Variants in DNAH6 observed in about 807,000 individuals in gnomAD.
DNAH6 encodes axonemal beta dynein heavy chain 6.
Under a neutral mutation model 491.4 loss-of-function variants are expected in DNAH6, and 340 were observed. The observed-to-expected ratio is 0.69, with a 90% CI of 0.63 to 0.76. The LOEUF is 0.76. DNAH6 is among the 30% of genes least tolerant of loss of function. The probability of loss-of-function intolerance (pLI) is 0.00; values close to 1 mark genes in which losing one functional copy is unlikely to be tolerated. For synonymous variants in DNAH6, 1,603 were observed against 1,686.1 expected, an observed-to-expected ratio of 0.95 and a Z score of 1.21; for missense variants, 4,443 against 4,972.2, an observed-to-expected ratio of 0.89 and a Z score of 3.20.
rs941603042 is a variant in DNAH6, at chr2:84,778,100, C to T, written c.10704-3393C>T. 4.7e-5 allele frequency: 38 copies of T among 811,878 alleles called. No homozygotes were observed. The African/African-American group carries it at 5.7e-4, about 12-fold the overall frequency. 50.3% of individuals were successfully genotyped at this position (811,878 alleles called of 1,614,324 possible). A position where few individuals can be genotyped will look rare whatever the true frequency, so the allele number is the denominator to read the frequency against. On this transcript the variant is annotated intron_variant, in intron 64 of 76. Transcript: ENST00000389394. ...CAGTTTATCTTCCAGTTAAACTGCCCGTCAGTTGTGGCATGGCACAGGCCA... is the reference window on the plus strand; with the variant it reads ...CAGTTTATCTTCCAGTTAAACTGCCTGTCAGTTGTGGCATGGCACAGGCCA...
Position 84,757,014 on chromosome 2 carries a change from C to G in DNAH6, c.10513-5741C>G, listed in dbSNP as rs72924756. Among the ~76,000 whole-genome samples the G allele has an allele frequency of 6.5e-3, 994 of 152,314 alleles. 8 individuals are homozygous for G. The highest frequency in any genetic ancestry group is 0.022 in the African/African-American group (919 of 41,576). On this transcript the variant is annotated intron_variant, in intron 63 of 76. Transcript: ENST00000389394. ...AAAGAGGGAAGAGATTGACCATTCT[C>G]TAATGATCCCGCAATCCAGACATGG...
intron 11 of DNAH6, among the ~76,000 whole-genome samples, chr2:84,568,678 C>T (rs1681471408): frequency 6.6e-6 from 1 of 152,128 alleles, no homozygotes; most frequent in South Asian, 2.1e-4. Context: ...ACCTATGTAA[C>T]AAACCTGCAC....
chr2:84,551,427 T>C (rs1679354296), intron 9 of DNAH6, among the ~76,000 whole-genome samples: 2 of 152,224 alleles, frequency 1.3e-5, no homozygotes, highest in Non-Finnish European at 2.9e-5. Context: ...TCCTTACTGC[T>C]TTATCCCTTG....
At chr2:84,759,922 A>C (rs1232172983) in intron 63 of DNAH6, among the ~76,000 whole-genome samples, 2 of 152,212 alleles carry the variant, frequency 1.3e-5, no homozygotes, top group African/African-American at 4.8e-5. Context: ...ATTATATTAC[A>C]AGGCTATAGT....
chr2:84,716,728 C>CA (rs1227866929), intron 58 of DNAH6, among the ~76,000 whole-genome samples: 2 of 151,528 alleles, frequency 1.3e-5, no homozygotes, highest in Non-Finnish European at 2.9e-5. Flanking sequence ...GCATGTTAGG[C>CA]TGCCTGGGAC....
Position 84,547,338 on chromosome 2 carries a change from T to C in DNAH6, c.1001T>C (p.Ile334Thr), listed in dbSNP as rs1678880140. 6.4e-7 allele frequency: 1 copy of C among 1,551,594 alleles called. No homozygotes were observed. Among genetic ancestry groups the C allele is most frequent in the Non-Finnish European group, 8.7e-7 (1 of 1,146,892 alleles). Residue 334 changes from isoleucine to threonine, a missense_variant, in exon 6 of 77, where the codon ATT (isoleucine) becomes ACT (threonine). Ile to Thr is a moderately conservative substitution (Grantham distance 89). Around this residue, in one of 3 missense-constraint regions of DNAH6, gnomAD observed 2,977 missense variants for 3,296.6 expected, o/e 0.90. Transcript: ENST00000389394. Reference sequence around the variant, plus strand: ...TTGAGTTTTATGGGACTTTGTTATATTGAAAAGTGTCACACCTACACCCTG... The same window carrying C: ...TTGAGTTTTATGGGACTTTGTTATACTGAAAAGTGTCACACCTACACCCTG... The part of the protein sequence containing the change: ...YHLSFMGLCY[I>T]EKCHTYTLQE...
rs919089863 is a variant in DNAH6 at position 84,720,435 on chromosome 2, C to G, written c.9792+2051C>G. Among the ~76,000 whole-genome samples, 9 of 150,752 alleles carry G rather than the reference C, an allele frequency of 6.0e-5. No homozygotes were observed. In the South Asian group the frequency reaches 1.9e-3, roughly 32 times the overall value. On this transcript the variant is annotated intron_variant, in intron 59 of 76. Transcript: ENST00000389394. ...CTGGGACTACAGGCGCCCGCCACTA[C>G]GCCCGGCTAATTTTTTGTATTTTTA...
intron 33 of DNAH6, among the ~76,000 whole-genome samples, chr2:84,643,345 G>A (rs141648264): frequency 9.2e-5 from 14 of 151,426 alleles, no homozygotes; most frequent in Admixed American, 3.9e-4. Context: ...GACCTGCTTC[G>A]GTATAATTTT....
At chr2:84,640,194 T>C (rs1689259776) in intron 31 of DNAH6, among the ~76,000 whole-genome samples, 1 of 151,872 alleles carries the variant, frequency 6.6e-6, no homozygotes, top group Admixed American at 6.6e-5. Context: ...AAGCTACATC[T>C]TCATCTACAC....
chr2:84,665,556 G>C (rs921330208), intron 37 of DNAH6, among the ~76,000 whole-genome samples: 1 of 152,144 alleles, frequency 6.6e-6, no homozygotes, highest in African/African-American at 2.4e-5. Context: ...CCAGGAAGAA[G>C]TTGAATCCCT....
intron 2 of DNAH6, 22 bp from the exon 3 acceptor site, chr2:84,525,543 C>T: frequency 1.3e-6 from 2 of 1,524,722 alleles, no homozygotes; most frequent in Non-Finnish European, 1.8e-6. Flanking sequence ...TAAAAATTAA[C>T]ATGTCTCTCT....
chr2:84,694,569 T>C lies in DNAH6; in HGVS notation c.7524+89T>C, dbSNP rs769226109. On this transcript the variant is annotated intron_variant, in intron 46 of 76. Coordinates refer to ENST00000389394, the MANE Select transcript of DNAH6 (RefSeq NM_001370.2). ...GCTTTGAACAGTTTGTAGGATGAAGTTCAAGGGGATTGTTCCCTTTGATAA... is the reference window on the plus strand; with the variant it reads ...GCTTTGAACAGTTTGTAGGATGAAGCTCAAGGGGATTGTTCCCTTTGATAA... 2.7e-4 allele frequency: 243 copies of C among 900,998 alleles called. 1 individual carries two copies. Among genetic ancestry groups the C allele is most frequent in the Admixed American group, 3.3e-4 (15 of 45,396 alleles). 55.8% of individuals were successfully genotyped at this position (900,998 alleles called of 1,614,324 possible). A position where few individuals can be genotyped will look rare whatever the true frequency, so the allele number is the denominator to read the frequency against.
At chr2:84,607,490 G>C (rs369154540) in intron 21 of DNAH6, among the ~76,000 whole-genome samples, 1 of 152,140 alleles carries the variant, frequency 6.6e-6, no homozygotes. Context: ...CTAAAGAGGG[G>C]AGAGAGGAAG....
At chr2:84,674,372 C>G (rs1294323797) in intron 40 of DNAH6, among the ~76,000 whole-genome samples, 1 of 152,174 alleles carries the variant, frequency 6.6e-6, no homozygotes, top group African/African-American at 2.4e-5. Flanking sequence ...CTGGGAAATC[C>G]AGGTAGAGCA....
At position 84,587,379 on chromosome 2, in the gene DNAH6, A is replaced by G. The variant is rs530024765; in HGVS notation, c.2482-1447A>G. ...ACTGATTGGCATTTAGATTGATTGC[A>G]TGTCTTTGCTATTGTGGATAGTGCT... On this transcript the variant is annotated intron_variant, in intron 15 of 76. Transcript: ENST00000389394. Among the ~76,000 whole-genome samples, 18 of 152,334 alleles carry G rather than the reference A, an allele frequency of 1.2e-4. 1 individual carries two copies. In the East Asian group the frequency reaches 2.7e-3, roughly 23 times the overall value.
chr2:84,599,844 T>G (rs1255142221), intron 18 of DNAH6, among the ~76,000 whole-genome samples: 1 of 152,228 alleles, frequency 6.6e-6, no homozygotes. Context: ...TCTATTCTAA[T>G]TCCTTTGCCT....
At chr2:84,734,186 C>T (rs1313930175) in intron 62 of DNAH6, among the ~76,000 whole-genome samples, 2 of 135,414 alleles carry the variant, frequency 1.5e-5, no homozygotes, top group Non-Finnish European at 3.1e-5. Flanking sequence ...CTTGTTCTGT[C>T]GCCCAGGCTG....
At chr2:84,515,801 G>C (rs184105181), upstream of DNAH6, among the ~76,000 whole-genome samples, 1 of 152,274 alleles carries the variant, frequency 6.6e-6, no homozygotes, top group East Asian at 1.9e-4. Context: ...ATTAGCAACA[G>C]TCACTTGGGA....
intron 64 of DNAH6, among the ~76,000 whole-genome samples, chr2:84,770,432 A>G (rs1294683727): frequency 1.3e-5 from 2 of 152,210 alleles, no homozygotes; most frequent in African/African-American, 4.8e-5. Context: ...AAATGTGCTC[A>G]TACAGTTAAA....
Sources: allele counts gnomAD v4.1 joint callset (sites outside exome capture counted in the v4.1 genomes callset), GRCh38; gene constraint gnomAD v4.1.1; regional missense constraint gnomAD v4.1.1; transcripts MANE v1.5; gene names NCBI Gene and HGNC (gene_info 2026-07-23, HGNC 2026-07-21).